The following ADGRL1 variants were observed in gnomAD, a reference collection of about 807,000 sequenced individuals.
ADGRL1 encodes CIRL-1.
A neutral mutation model predicts 148.9 loss-of-function variants in ADGRL1; 31 were observed. The ratio of observed to expected loss-of-function variants is 0.21; its 90% confidence interval spans 0.16 to 0.28. ADGRL1 has a LOEUF of 0.28. ADGRL1 is among the 10% of genes least tolerant of loss of function. The pLI, the probability that ADGRL1 is intolerant of heterozygous loss-of-function variation, is 1.00. For synonymous variants in ADGRL1, 937 were observed against 900.3 expected, an observed-to-expected ratio of 1.04 and a Z score of -0.73; for missense variants, 1,521 against 2,058.8, an observed-to-expected ratio of 0.74 and a Z score of 5.05.
At chr19:14,154,207 A>G (rs1968502807) in intron 18 of ADGRL1, among the ~76,000 whole-genome samples, 1 of 152,068 alleles carries the variant, frequency 6.6e-6, no homozygotes, top group Non-Finnish European at 1.5e-5. Context: ...GGGCCAGGAC[A>G]ATGTTGGACA....
At chr19:14,178,954 C>T (rs563422391) in intron 2 of ADGRL1, among the ~76,000 whole-genome samples, 32 of 151,602 alleles carry the variant, frequency 2.1e-4, no homozygotes, top group Non-Finnish European at 3.7e-4. Context: ...GAGGCTGAGG[C>T]GGGTGGATCA....
intron 1 of ADGRL1, among the ~76,000 whole-genome samples, chr19:14,195,621 G>A (rs534742751): frequency 3.3e-5 from 5 of 152,222 alleles, no homozygotes; most frequent in South Asian, 4.1e-4. Flanking sequence ...CCATGAGCCC[G>A]CCTCCTTCAG....
intron 1 of ADGRL1, among the ~76,000 whole-genome samples, chr19:14,204,012 G>A (rs947688895): frequency 4.6e-4 from 69 of 151,338 alleles, no homozygotes; most frequent in African/African-American, 1.4e-3. Flanking sequence ...GAGCGCACAC[G>A]TATGTCGCAC....
chr19:14,187,669 C>T (rs560661227), intron 1 of ADGRL1, among the ~76,000 whole-genome samples: 4 of 151,572 alleles, frequency 2.6e-5, no homozygotes, highest in East Asian at 2.0e-4. Context: ...GTTACCCCGC[C>T]GCCGCCACCA....
intron 18 of ADGRL1, 152 bp from the exon 19 acceptor site, chr19:14,153,064 G>A (rs1968374551): frequency 7.2e-6 from 6 of 830,212 alleles, no homozygotes; most frequent in Admixed American, 5.4e-5. Flanking sequence ...TGCAGGCCAC[G>A]GAAGCCTTGA....
intron 2 of ADGRL1, among the ~76,000 whole-genome samples, chr19:14,179,841 C>T (rs759989152): frequency 2.2e-4 from 34 of 151,890 alleles, no homozygotes; most frequent in Non-Finnish European, 1.9e-4. Context: ...ACCCAGGAGG[C>T]GGAGGTTGCA....
intron 1 of ADGRL1, among the ~76,000 whole-genome samples, chr19:14,203,160 A>G (rs1350320904): frequency 6.6e-6 from 1 of 151,422 alleles, no homozygotes; most frequent in Non-Finnish European, 1.5e-5. Context: ...AGGGTTTCAG[A>G]CCCAGGGAAC....
Position 14,150,981 on chromosome 19 carries a change from G to T in ADGRL1, c.4302C>A (p.Gly1434=), listed in dbSNP as rs1213701712. The change falls in exon 23 of 23, where the codon GGC becomes GGA. Residue 1434 remains glycine (G), a synonymous_variant. Transcript: ENST00000361434. Reference sequence around the variant, plus strand: ...GGCTAGGACGCCGCACCTGGTAGTAGCCCTGCAGGGGATTCCGGGCCACCA... The same window carrying T: ...GGCTAGGACGCCGCACCTGGTAGTATCCCTGCAGGGGATTCCGGGCCACCA... The part of the protein sequence containing the change: ...PALVARNPLQ[G]YYQVRRPSHE... The T allele has an allele frequency of 1.3e-6, 2 of 1,587,454 alleles. No individual in the cohort carries two copies. Among genetic ancestry groups the T allele is most frequent in the Admixed American group, 1.7e-5 (1 of 57,296 alleles).
In ADGRL1 at chr19:14,150,861, C is replaced by A. The variant is rs1315812942; in HGVS notation, c.*12G>T. On this transcript the variant is annotated 3_prime_UTR_variant, in exon 23 of 23. Transcript: ENST00000361434. ...TGGCCTGGGCCACCAGCCCCTGGTC[C>A]ATGAGGTGCCCTCAGAGACTGGTGA... 8.7e-6 allele frequency: 14 copies of A among 1,610,224 alleles called. No individual in the cohort carries two copies. The highest frequency in any genetic ancestry group is 1.2e-5 in the Non-Finnish European group (14 of 1,178,924).
rs1488448688 is a variant in ADGRL1 at position 14,157,978 on chromosome 19, G to A, written c.2439C>T (p.Thr813=). 5 of 1,614,194 alleles carry A rather than the reference G, an allele frequency of 3.1e-6. No homozygotes were observed. The highest frequency in any genetic ancestry group is 4.2e-6 in the Non-Finnish European group (5 of 1,180,018). The change falls in exon 13 of 23, where the codon ACC becomes ACT. Residue 813 remains threonine (T), a synonymous_variant. Coordinates refer to ENST00000361434, the MANE Select transcript of ADGRL1 (RefSeq NM_014921.5). The surrounding 1 kb of genome is among the most constrained non-coding windows in gnomAD (Gnocchi z 7.5). The part of the protein sequence containing the change: ...SERSMLGYWS[T]QGCRLVESNK... ...TGGACTCCACCAGGCGGCAGCCTTG[G>A]GTCGACCAGTAGCCCAGCATGGAAC... is the stretch of plus-strand genomic sequence containing the variant.
rs1568563763 is a variant in ADGRL1, at chr19:14,152,010, G to A, written c.3667+123C>T. ...GCTGCCAGAGGCTGTGTGTCGGGGG[G>A]TGGGGAAATGTGGGCATGGGGAGGC... On this transcript the variant is annotated intron_variant, in intron 22 of 22. Transcript: ENST00000361434. This position sits in a 1 kb window ranked among gnomAD's most constrained non-coding sequence, Gnocchi z 6.1. 4.6e-6 allele frequency: 4 copies of A among 877,138 alleles called. No homozygotes were observed. Among genetic ancestry groups the A allele is most frequent in the Non-Finnish European group, 7.6e-6 (4 of 524,764 alleles). 54.3% of individuals were successfully genotyped at this position (877,138 alleles called of 1,614,324 possible).
chr19:14,163,524 C>T, intron 4 of ADGRL1, 118 bp from the exon 5 acceptor site: 1 of 770,964 alleles, frequency 1.3e-6, no homozygotes, highest in Non-Finnish European at 2.0e-6. Flanking sequence ...GTTGGTCACG[C>T]TGCTGGTGGG....
intron 1 of ADGRL1, among the ~76,000 whole-genome samples, chr19:14,189,453 C>T (rs947028762): frequency 3.3e-5 from 5 of 152,154 alleles, no homozygotes; most frequent in African/African-American, 1.2e-4. Context: ...TGGCCTCAAA[C>T]TCCTGGACTC....
rs552010691 is a variant in ADGRL1 at position 14,155,658 on chromosome 19, G to C, written c.3126-131C>G. On this transcript the variant is annotated intron_variant, in intron 17 of 22. Transcript: ENST00000361434. The surrounding 1 kb of genome is among the most constrained non-coding windows in gnomAD (Gnocchi z 5.0). ...CTGTCTGCAAAGCCCTGAGCGGGCC[G>C]AGTGGGCCTTGGGGGCAGTGGCCTG... The C allele has an allele frequency of 1.1e-6, 1 of 903,812 alleles. No individual in the cohort carries two copies. Among genetic ancestry groups the C allele is most frequent in the Non-Finnish European group, 1.6e-6 (1 of 606,218 alleles). 56.0% of individuals were successfully genotyped at this position (903,812 alleles called of 1,614,324 possible).
At position 14,158,550 on chromosome 19, in the gene ADGRL1, C is replaced by T; in HGVS notation, c.2152G>A (p.Val718Met). Reference protein sequence around the residue: ...KTIKQNSRNGVVKVVFILYNN... With the variant: ...KTIKQNSRNGMVKVVFILYNN... Reference sequence around the variant, plus strand: ...TAGAGGATGAAGACAACTTTGACCACCCCTGGTGAGAACAGGCACGTTTGG... The same window carrying T: ...TAGAGGATGAAGACAACTTTGACCATCCCTGGTGAGAACAGGCACGTTTGG... Residue 718 changes from valine to methionine, a missense_variant and splice_region_variant, in exon 12 of 23, where the codon GTG (valine) becomes ATG (methionine). This residue lies in a region of ADGRL1 where 265 missense variants were observed against 431.9 expected (regional missense o/e 0.61). Coordinates refer to ENST00000361434, the MANE Select transcript of ADGRL1 (RefSeq NM_014921.5). The T allele has an allele frequency of 1.2e-6, 2 of 1,613,386 alleles. No homozygotes were observed. The highest frequency in any genetic ancestry group is 1.1e-5 in the South Asian group (1 of 91,074).
In ADGRL1 at chr19:14,157,223, C is replaced by T. The variant is rs532082111; in HGVS notation, c.2745+28G>A. Reference sequence around the variant, plus strand: ...CTTCTCCCGGCCCCCAGGCGCTGGCCGTCACCTGCCCTAGAGTCCCAGCCC... The same window carrying T: ...CTTCTCCCGGCCCCCAGGCGCTGGCTGTCACCTGCCCTAGAGTCCCAGCCC... On this transcript the variant is annotated intron_variant, in intron 14 of 22. Coordinates refer to ENST00000361434, the MANE Select transcript of ADGRL1 (RefSeq NM_014921.5). The surrounding 1 kb of genome is among the most constrained non-coding windows in gnomAD (Gnocchi z 7.5). 5.0e-6 allele frequency: 8 copies of T among 1,613,696 alleles called. No individual in the cohort carries two copies. The highest frequency in any genetic ancestry group is 6.8e-6 in the Non-Finnish European group (8 of 1,179,760).
chr19:14,164,981 C>G (rs544520519), intron 4 of ADGRL1, among the ~76,000 whole-genome samples: 2 of 152,300 alleles, frequency 1.3e-5, no homozygotes, highest in Admixed American at 1.3e-4. Flanking sequence ...TCTTGCTTGG[C>G]ATGTCACCAA....
chr19:14,190,228 T>C (rs1971843489), intron 1 of ADGRL1, among the ~76,000 whole-genome samples: 1 of 151,948 alleles, frequency 6.6e-6, no homozygotes, highest in Non-Finnish European at 1.5e-5. Flanking sequence ...CCTGGCCTGC[T>C]ATTATTAATT....
At chr19:14,180,051 G>C (rs1379658187) in intron 2 of ADGRL1, among the ~76,000 whole-genome samples, 1 of 152,126 alleles carries the variant, frequency 6.6e-6, no homozygotes, top group African/African-American at 2.4e-5. Context: ...GGTCTATCAG[G>C]GCTACAGAGT....
Sources: gnomAD v4.1 joint callset for allele counts (sites outside exome capture counted in the v4.1 genomes callset) on GRCh38, gnomAD v4.1.1 for gene constraint, gnomAD v4.1.1 regional missense constraint, Gnocchi (gnomAD v3.1) non-coding constraint, MANE v1.5 for transcripts, NCBI Gene and HGNC (gene_info 2026-07-23, HGNC 2026-07-21) for gene names.